FAM89A: variants seen among roughly 807,000 people sequenced by gnomAD.
The protein encoded by FAM89A is family with sequence similarity 89 member A.
Under a neutral mutation model 7.1 loss-of-function variants are expected in FAM89A, and 10 were observed. The ratio of observed to expected loss-of-function variants is 1.40; its 90% CI spans 0.86 to 2.38. FAM89A has a LOEUF of 2.38. FAM89A is among the 30% of genes most tolerant of loss of function. The pLI, the probability that FAM89A is intolerant of heterozygous loss-of-function variation, is 0.00. For synonymous variants in FAM89A, 157 were observed against 129.3 expected (o/e 1.21, Z -1.45); for missense variants, 276 against 262.8 (o/e 1.05, Z -0.35).
At position 231,021,388 on chromosome 1, in the gene FAM89A, C is replaced by G. The variant is rs543251993; in HGVS notation, c.292-1262G>C. On this transcript the variant is annotated intron_variant, in intron 1 of 1. Coordinates refer to ENST00000366654, the MANE Select transcript of FAM89A (RefSeq NM_198552.3). The stretch of plus-strand genomic sequence containing the variant: ...GCATGGGTACAGCTCTCCTGGGCGG[C>G]TGGAGAAGGAGCTTCTTCTCTGGAG... Among the ~76,000 whole-genome samples the G allele has an allele frequency of 2.0e-5, 3 of 149,160 alleles. No individual in the cohort carries two copies. In the South Asian group the frequency reaches 6.3e-4, roughly 31 times the overall value.
chr1:231,022,016 A>C, intron 1 of FAM89A: 1 of 1,331,650 alleles, frequency 7.5e-7, no homozygotes, highest in Non-Finnish European at 1.1e-6. Context: ...TCCTATCTGC[A>C]TGGACAGATA....
intron 1 of FAM89A, among the ~76,000 whole-genome samples, chr1:231,024,081 T>C (rs1056733172): frequency 2.6e-5 from 4 of 152,212 alleles, no homozygotes; most frequent in African/African-American, 7.2e-5. Context: ...ATGTCTTTCC[T>C]TTTTTCAATG....
At chr1:231,021,565 G>C (rs1679878407) in intron 1 of FAM89A, 11 of 1,143,992 alleles carry the variant, frequency 9.6e-6, no homozygotes, top group Non-Finnish European at 1.4e-5. Flanking sequence ...CCTTGGTATA[G>C]ATCACTTCCT....
rs141463019 is a variant in FAM89A at position 231,019,936 on chromosome 1, C to G, written c.482G>C (p.Arg161Pro). ...CAGTGACAAGTCCCGAGGAGGGCCT[C>G]GGTCCCTCCTGTCGTGCAGGGAGTT... is the stretch of plus-strand genomic sequence containing the variant. ...EQNSLHDRRD[R>P]GPPRDLSLPV... The change falls in exon 2 of 2, where the codon CGA (arginine) becomes CCA (proline). Residue 161 changes from arginine (R) to proline (P), a missense_variant. Physicochemically the swap from Arg to Pro is moderately radical, Grantham distance 103. Coordinates refer to ENST00000366654, the MANE Select transcript of FAM89A (RefSeq NM_198552.3). The G allele has an allele frequency of 8.7e-6, 14 of 1,613,976 alleles. No individual in the cohort carries two copies. Among genetic ancestry groups the G allele is most frequent in the Non-Finnish European group, 1.2e-5 (14 of 1,179,970 alleles).
intron 1 of FAM89A, among the ~76,000 whole-genome samples, chr1:231,034,771 TCAAAAAAAAAAAA>T (rs1245910232): frequency 9.1e-5 from 8 of 87,900 alleles, no homozygotes; most frequent in Non-Finnish European, 1.6e-4. Flanking sequence ...AAACTCTGTC[TCAAAAAAAAAAAA>T]AAAAAAAAAA....
chr1:231,025,797 C>A (rs1679958730), intron 1 of FAM89A, among the ~76,000 whole-genome samples: 1 of 151,832 alleles, frequency 6.6e-6, no homozygotes. Context: ...TAGGAATTTT[C>A]TATTGAAAAA....
At chr1:231,024,192 T>C (rs1007309817) in intron 1 of FAM89A, among the ~76,000 whole-genome samples, 3 of 119,020 alleles carry the variant, frequency 2.5e-5, no homozygotes, top group Admixed American at 9.7e-5. Flanking sequence ...ATAAAACCAT[T>C]AATTTGAACC....
At chr1:231,038,335 G>A (rs1378410111) in intron 1 of FAM89A, among the ~76,000 whole-genome samples, 3 of 152,206 alleles carry the variant, frequency 2.0e-5, no homozygotes, top group Non-Finnish European at 2.9e-5. Context: ...TTCTGGGAAT[G>A]GCACGTTGAC....
At position 231,040,083 on chromosome 1, in the gene FAM89A, C is replaced by A. The variant is rs1215829589; in HGVS notation, c.129G>T (p.Ala43=). 6.9e-7 allele frequency: 1 copy of A among 1,442,468 alleles called. No homozygotes were observed. The highest frequency in any genetic ancestry group is 9.1e-7 in the Non-Finnish European group (1 of 1,099,012). 89.4% of individuals were successfully genotyped at this position (1,442,468 alleles called of 1,614,324 possible). A position where few individuals can be genotyped will look rare whatever the true frequency, so the allele number is the denominator to read the frequency against. Residue 43 remains alanine, a synonymous_variant, in exon 1 of 2, where the codon GCG becomes GCT. Coordinates refer to ENST00000366654, the MANE Select transcript of FAM89A (RefSeq NM_198552.3). ...GLLHSASGGG[A]SGGWRHLERL... The stretch of plus-strand genomic sequence containing the variant: ...GCTCCAGGTGCCGCCAGCCCCCAGA[C>A]GCGCCGCCGCCCGACGCCGAGTGCA...
chr1:231,038,900 G>A (rs1480752866), intron 1 of FAM89A, among the ~76,000 whole-genome samples: 1 of 152,180 alleles, frequency 6.6e-6, no homozygotes, highest in Non-Finnish European at 1.5e-5. Context: ...GGAAAAGGCA[G>A]CTTTCCTAAT....
At chr1:231,032,491 A>G (rs11122196) in intron 1 of FAM89A, among the ~76,000 whole-genome samples, 24,106 of 150,882 alleles carry the variant, frequency 0.16, 2,418 homozygotes, top group African/African-American at 0.29. Context: ...GAGGTACAAC[A>G]TGATACCTTA....
At chr1:231,025,871 GATCTTGACACAAAT>G (rs1679960187) in intron 1 of FAM89A, 1 of 152,244 alleles carries the variant, frequency 6.6e-6, no homozygotes. Context: ...AAGAACCAGT[GATCTTGACACAAAT>G]ATCTTTCTGA....
intron 1 of FAM89A, among the ~76,000 whole-genome samples, chr1:231,024,528 A>G (rs1679930058): frequency 1.3e-5 from 2 of 151,376 alleles, no homozygotes; most frequent in African/African-American, 4.9e-5. Flanking sequence ...ATGCACACAC[A>G]CACACACACA....
Position 231,040,198 on chromosome 1 carries a change from C to T in FAM89A, c.14G>A (p.Arg5Gln), listed in dbSNP as rs1328975817. 4 of 1,096,952 alleles carry T rather than the reference C, an allele frequency of 3.6e-6. No individual in the cohort carries two copies. Among genetic ancestry groups the T allele is most frequent in the Non-Finnish European group, 4.4e-6 (4 of 904,552 alleles). The allele number at this position is 1,096,952 out of a possible 1,614,324, so 68.0% of individuals were successfully genotyped here. ...GTTGCCCGCGGCCCCGGGCGCCGCC[C>T]GGGCCCCACTCATCGCGCCGCGGCC... is the stretch of plus-strand genomic sequence containing the variant. MSGARAAPGAAGNGA... is the reference protein window; with the variant it reads MSGAQAAPGAAGNGA... Residue 5 changes from arginine (R) to glutamine (Q), a missense_variant, in exon 1 of 2, where the codon CGG becomes CAG. Arg to Gln is a conservative substitution (Grantham distance 43). Transcript: ENST00000366654.
chr1:231,020,087 G>A lies in FAM89A; in HGVS notation c.331C>T (p.Leu111=), dbSNP rs1437857855. The A allele has an allele frequency of 6.2e-7, 1 of 1,613,846 alleles. No homozygotes were observed. The highest frequency in any genetic ancestry group is 8.5e-7 in the Non-Finnish European group (1 of 1,179,876). Residue 111 remains leucine (L), a synonymous_variant, in exon 2 of 2, where the codon CTG becomes TTG. Coordinates refer to ENST00000366654, the MANE Select transcript of FAM89A (RefSeq NM_198552.3). ...RQLDMSLLCQ[L]YSLYESIQEY... is the part of the protein sequence containing the mutation. ...TGAATCGACTCGTAGAGGCTGTACA[G>A]TTGGCAGAGCAAGGACATGTCCAGC...
chr1:231,036,989 T>A (rs1359616923), intron 1 of FAM89A, among the ~76,000 whole-genome samples: 1 of 152,230 alleles, frequency 6.6e-6, no homozygotes, highest in Non-Finnish European at 1.5e-5. Flanking sequence ...CATTATAATA[T>A]ATCTTGACTG....
chr1:231,022,578 T>G (rs1391407416), intron 1 of FAM89A, among the ~76,000 whole-genome samples: 1 of 152,132 alleles, frequency 6.6e-6, no homozygotes, highest in Non-Finnish European at 1.5e-5. Context: ...TGCCACACAT[T>G]GACCAAGCCA....
At position 231,040,216 on chromosome 1, in the gene FAM89A, C is replaced by T; in HGVS notation, c.-5G>A. On this transcript the variant is annotated 5_prime_UTR_variant, in exon 1 of 2. Coordinates refer to ENST00000366654, the MANE Select transcript of FAM89A (RefSeq NM_198552.3). ...CGCCGCCCGGGCCCCACTCATCGCG[C>T]CGCGGCCCGGCCACGCGCCTGCCCC... 9.5e-7 allele frequency: 1 copy of T among 1,056,670 alleles called. No individual in the cohort carries two copies. The highest frequency in any genetic ancestry group is 1.1e-6 in the Non-Finnish European group (1 of 878,668). 65.5% of individuals were successfully genotyped at this position (1,056,670 alleles called of 1,614,324 possible). A position where few individuals can be genotyped will look rare whatever the true frequency, so the allele number is the denominator to read the frequency against.
At chr1:231,027,079 T>C (rs1426879442) in intron 1 of FAM89A, 3 of 152,216 alleles carry the variant, frequency 2.0e-5, no homozygotes, top group African/African-American at 7.2e-5. Context: ...CTGGGATGGT[T>C]TGAGGTCGGC....
Sources: allele counts gnomAD v4.1 joint callset (sites outside exome capture counted in the v4.1 genomes callset), GRCh38; gene constraint gnomAD v4.1.1; transcripts MANE v1.5; gene names NCBI Gene and HGNC (gene_info 2026-07-23, HGNC 2026-07-21).